The following KHDRBS3 variants were observed in gnomAD, a reference collection of about 807,000 sequenced individuals.
KHDRBS3 encodes KH RNA binding domain containing, signal transduction associated 3.
Under a neutral mutation model 45.6 loss-of-function variants are expected in KHDRBS3, and 23 were observed. The observed-to-expected ratio is 0.50, with a 90% confidence interval of 0.36 to 0.72. The LOEUF (loss-of-function observed/expected upper bound fraction) is 0.72. Among genes scored for constraint, KHDRBS3 ranks in the 30% least tolerant of loss-of-function variants. The probability of loss-of-function intolerance (pLI) is 0.00; values close to 1 mark genes in which losing one functional copy is unlikely to be tolerated. For synonymous variants in KHDRBS3, 162 were observed against 156.5 expected (o/e 1.04, Z -0.26); for missense variants, 352 against 424.8 (o/e 0.83, Z 1.51).
intron 5 of KHDRBS3, among the ~76,000 whole-genome samples, chr8:135,569,495 T>C (rs926554811): frequency 6.6e-6 from 1 of 152,224 alleles, no homozygotes; most frequent in East Asian, 1.9e-4. Context: ...CAGGAGTTTT[T>C]CTAAGTTTGG....
At chr8:135,607,098 T>C in intron 7 of KHDRBS3, 61 bp downstream of exon 7, 2 of 1,336,478 alleles carry the variant, frequency 1.5e-6, no homozygotes, top group East Asian at 2.3e-5. Flanking sequence ...CACATTCATA[T>C]ATTCTGGGAA....
At chr8:135,524,400 C>A (rs1188986786) in intron 2 of KHDRBS3, among the ~76,000 whole-genome samples, 1 of 152,160 alleles carries the variant, frequency 6.6e-6, no homozygotes, top group Non-Finnish European at 1.5e-5. Flanking sequence ...TTTCCATTTT[C>A]TCAGAGAACA....
chr8:135,464,115 G>C (rs988159372), intron 1 of KHDRBS3, among the ~76,000 whole-genome samples: 1 of 152,054 alleles, frequency 6.6e-6, no homozygotes, highest in Non-Finnish European at 1.5e-5. Context: ...CAAGTCTGCA[G>C]TATTTTGTTA....
At chr8:135,561,600 T>C (rs551967921) in intron 5 of KHDRBS3, among the ~76,000 whole-genome samples, 9 of 152,140 alleles carry the variant, frequency 5.9e-5, no homozygotes, top group African/African-American at 2.2e-4. Flanking sequence ...TTCTAGCACT[T>C]TTATTGTGTT....
intron 1 of KHDRBS3, among the ~76,000 whole-genome samples, chr8:135,514,439 T>A (rs1321309278): frequency 6.6e-6 from 1 of 152,236 alleles, no homozygotes; most frequent in East Asian, 1.9e-4. Flanking sequence ...GAGGGCATTA[T>A]GCTAAGTGAA....
chr8:135,592,764 T>TG (rs397767378), intron 6 of KHDRBS3, among the ~76,000 whole-genome samples: 1 of 146,666 alleles, frequency 6.8e-6, no homozygotes, highest in East Asian at 2.0e-4. Flanking sequence ...GAACTCTGGT[T>TG]ATATAGCATC....
chr8:135,632,549 C>T (rs1830649148), intron 7 of KHDRBS3, among the ~76,000 whole-genome samples: 1 of 152,106 alleles, frequency 6.6e-6, no homozygotes, highest in Admixed American at 6.5e-5. Flanking sequence ...AGCCTCCTCT[C>T]CAGAGGAGGG....
chr8:135,555,405 T>C (rs992442002), intron 4 of KHDRBS3, among the ~76,000 whole-genome samples: 19 of 151,564 alleles, frequency 1.3e-4, no homozygotes, highest in African/African-American at 4.6e-4. Context: ...TCACCAGGTA[T>C]CATTAGTGTT....
At position 135,477,875 on chromosome 8, in the gene KHDRBS3, G is replaced by A. The variant is rs191286891; in HGVS notation, c.88+19921G>A. 4.1e-3 allele frequency among the ~76,000 whole-genome samples: 629 copies of A among 152,300 alleles called. 1 individual carries two copies. The highest frequency in any genetic ancestry group is 7.1e-3 in the Non-Finnish European group (482 of 68,022). On this transcript the variant is annotated intron_variant, in intron 1 of 8. Coordinates refer to ENST00000355849, the MANE Select transcript of KHDRBS3 (RefSeq NM_006558.3). ...CTGCAGTTTTCAGAACAGGGATACC[G>A]TGTTCAGATGTGTCCTCAGTATCTG...
At position 135,571,761 on chromosome 8, in the gene KHDRBS3, T is replaced by C. The variant is rs1228114955; in HGVS notation, c.612-10117T>C. On this transcript the variant is annotated intron_variant, in intron 5 of 8. Coordinates refer to ENST00000355849, the MANE Select transcript of KHDRBS3 (RefSeq NM_006558.3). ...ATTAGAGTTGGGGGAACTCTGGCAC[T>C]GGGGAAGCCAGAGTTTCCAGAGTCA... 2.0e-5 allele frequency among the ~76,000 whole-genome samples: 3 copies of C among 152,228 alleles called. No individual in the cohort carries two copies. In the East Asian group the frequency reaches 5.8e-4, roughly 30 times the overall value.
intron 7 of KHDRBS3, among the ~76,000 whole-genome samples, chr8:135,637,966 T>TA (rs1489796431): frequency 6.6e-6 from 1 of 152,112 alleles, no homozygotes; most frequent in Non-Finnish European, 1.5e-5. Flanking sequence ...CCCTCCTTTT[T>TA]AAAATCCCAT....
At chr8:135,524,407 A>G (rs952876516) in intron 2 of KHDRBS3, among the ~76,000 whole-genome samples, 5 of 152,180 alleles carry the variant, frequency 3.3e-5, no homozygotes, top group Admixed American at 6.5e-5. Context: ...TTTCTCAGAG[A>G]ACATATATCA....
intron 1 of KHDRBS3, among the ~76,000 whole-genome samples, chr8:135,489,532 G>C (rs80138125): frequency 6.6e-6 from 1 of 151,996 alleles, no homozygotes; most frequent in Non-Finnish European, 1.5e-5. Context: ...ACAAAAATTA[G>C]CTGGAAGTGG....
chr8:135,645,227 C>A, intron 8 of KHDRBS3, 110 bp downstream of exon 8: 1 of 1,041,128 alleles, frequency 9.6e-7, no homozygotes, highest in Non-Finnish European at 1.4e-6. Context: ...GAAACAGCAG[C>A]TTCCTGTCAA....
chr8:135,476,666 A>G (rs1005669811), intron 1 of KHDRBS3, among the ~76,000 whole-genome samples: 2 of 152,224 alleles, frequency 1.3e-5, no homozygotes, highest in African/African-American at 2.4e-5. Flanking sequence ...GAAACCGAGC[A>G]TCAGAAAGGC....
chr8:135,627,749 T>G (rs1830436286), intron 7 of KHDRBS3, among the ~76,000 whole-genome samples: 1 of 152,218 alleles, frequency 6.6e-6, no homozygotes, highest in African/African-American at 2.4e-5. Context: ...TTTCTCTGGC[T>G]TTTTCTCTTA....
At chr8:135,579,802 T>G (rs1828118712) in intron 5 of KHDRBS3, among the ~76,000 whole-genome samples, 1 of 152,264 alleles carries the variant, frequency 6.6e-6, no homozygotes, top group Non-Finnish European at 1.5e-5. Flanking sequence ...ATCAACCTTA[T>G]GTACCTGGAA....
At chr8:135,561,920 G>T (rs376238649) in intron 5 of KHDRBS3, among the ~76,000 whole-genome samples, 8 of 151,862 alleles carry the variant, frequency 5.3e-5, no homozygotes, top group African/African-American at 1.9e-4. Flanking sequence ...AAATATTTTC[G>T]TACAGATTCA....
intron 5 of KHDRBS3, among the ~76,000 whole-genome samples, chr8:135,566,834 A>G (rs1376413866): frequency 3.3e-5 from 5 of 152,224 alleles, no homozygotes; most frequent in Non-Finnish European, 2.9e-5. Flanking sequence ...ATAAAAACAA[A>G]AAGTTCTGTT....
Sources: allele counts gnomAD v4.1 joint callset (sites outside exome capture counted in the v4.1 genomes callset), GRCh38; gene constraint gnomAD v4.1.1; transcripts MANE v1.5; gene names NCBI Gene and HGNC (gene_info 2026-07-23, HGNC 2026-07-21).